Variants in EMCN observed in about 807,000 individuals in gnomAD.
EMCN encodes the protein endomucin.
In EMCN, 37 loss-of-function variants were observed where a neutral mutation model predicts 38.4. That is an observed-to-expected ratio of 0.96 (90% confidence interval 0.74 to 1.27). EMCN has a LOEUF of 1.27. EMCN is among the 50% of genes most tolerant of loss of function. The probability of loss-of-function intolerance (pLI) is 0.00; values close to 1 mark genes in which losing one functional copy is unlikely to be tolerated. For missense variants in EMCN, 318 were observed against 302.8 expected, an observed-to-expected ratio of 1.05 and a Z score of -0.37; for synonymous variants, 95 against 100.8, an observed-to-expected ratio of 0.94 and a Z score of 0.35.
rs1480628495 is a variant in EMCN, at chr4:100,395,766, G to C, written c.*2647C>G. On this transcript the variant is annotated 3_prime_UTR_variant, in exon 12 of 12. Coordinates refer to ENST00000296420, the MANE Select transcript of EMCN (RefSeq NM_016242.4). ...ACAGATTTGTCAACCATATGTAACA[G>C]AATAGTTCAGTTCAGCAAGGGGAAT... The C allele has an allele frequency of 6.6e-6, 1 of 152,132 alleles. No individual in the cohort carries two copies. The highest frequency in any genetic ancestry group is 1.9e-4 in the East Asian group (1 of 5,178). 9.4% of individuals were successfully genotyped at this position (152,132 alleles called of 1,614,324 possible). A position where few individuals can be genotyped will look rare whatever the true frequency, so the allele number is the denominator to read the frequency against.
intron 2 of EMCN, among the ~76,000 whole-genome samples, chr4:100,476,576 T>TATA (rs1176373997): frequency 1.3e-5 from 2 of 152,202 alleles, no homozygotes; most frequent in African/African-American, 4.8e-5. Flanking sequence ...AATAAATGTT[T>TATA]ATAATAGATT....
At chr4:100,417,226 C>T in intron 8 of EMCN, 85 bp from the exon 9 acceptor site, 1 of 1,137,054 alleles carries the variant, frequency 8.8e-7, no homozygotes, top group South Asian at 1.2e-5. Context: ...CCCTCACCTG[C>T]TGTCCACTCT....
chr4:100,497,749 A>G (rs552827889), intron 1 of EMCN, among the ~76,000 whole-genome samples: 3 of 152,300 alleles, frequency 2.0e-5, no homozygotes, highest in Admixed American at 2.0e-4. Flanking sequence ...GAAAATGACA[A>G]TATAAAAATA....
Position 100,423,973 on chromosome 4 carries a change from A to G in EMCN, c.416-569T>C, listed in dbSNP as rs140582850. Among the ~76,000 whole-genome samples, 77 of 152,192 alleles carry G rather than the reference A, an allele frequency of 5.1e-4. 1 individual carries two copies. In the East Asian group the frequency reaches 0.014, roughly 28 times the overall value. On this transcript the variant is annotated intron_variant, in intron 5 of 11. Transcript: ENST00000296420. ...TATGTGCCTTTTCTAGAGTAATGCT[A>G]CTTGACTGTTTTTTTTCACTAGCAT...
At position 100,505,691 on chromosome 4, in the gene EMCN, G is replaced by A. The variant is rs202245522; in HGVS notation, c.64+12160C>T. ...CTCCCAGACTGTGAGCACAGCTTAC[G>A]GCGCCACATCAAGTAATGTCTTTCA... On this transcript the variant is annotated intron_variant, in intron 1 of 11. Coordinates refer to ENST00000296420, the MANE Select transcript of EMCN (RefSeq NM_016242.4). Among the ~76,000 whole-genome samples the A allele has an allele frequency of 1.9e-4, 29 of 152,132 alleles. 1 individual carries two copies. In the East Asian group the frequency reaches 4.5e-3, roughly 23 times the overall value.
At chr4:100,404,822 A>C (rs192930348) in intron 11 of EMCN, among the ~76,000 whole-genome samples, 7 of 152,064 alleles carry the variant, frequency 4.6e-5, no homozygotes, top group African/African-American at 7.2e-5. Context: ...CTTTTTTAAC[A>C]ATATTGATTC....
chr4:100,448,045 T>G (rs895732512), intron 4 of EMCN, among the ~76,000 whole-genome samples: 1 of 152,074 alleles, frequency 6.6e-6, no homozygotes, highest in Non-Finnish European at 1.5e-5. Flanking sequence ...AGTAAGTGCT[T>G]AATGAAAGTG....
intron 2 of EMCN, 27 bp downstream of exon 2, chr4:100,479,890 A>G: frequency 6.3e-7 from 1 of 1,581,600 alleles, no homozygotes; most frequent in Non-Finnish European, 8.6e-7. Context: ...TTAAAGTTAA[A>G]CTAAATTTAC....
chr4:100,459,939 C>A (rs889329031), intron 4 of EMCN, among the ~76,000 whole-genome samples: 8 of 152,172 alleles, frequency 5.3e-5, no homozygotes, highest in African/African-American at 1.9e-4. Context: ...TGGATATGTA[C>A]CCAGAAGTGG....
chr4:100,475,659 CTTTTTTTT>C (rs869169290), intron 2 of EMCN, among the ~76,000 whole-genome samples: 2,404 of 60,092 alleles, frequency 0.04, 291 homozygotes, highest in Non-Finnish European at 0.047. Flanking sequence ...AATTCTAGTC[CTTTTTTTT>C]TTTTTTTTTT....
At position 100,416,057 on chromosome 4, in the gene EMCN, G is replaced by C. The variant is rs946712092; in HGVS notation, c.690-98C>G. Reference sequence around the variant, plus strand: ...CAAACAGAATGACGAAGATACATATGCATATATATATATAATGTGTGTGTA... The same window carrying C: ...CAAACAGAATGACGAAGATACATATCCATATATATATATAATGTGTGTGTA... On this transcript the variant is annotated intron_variant, in intron 9 of 11. Coordinates refer to ENST00000296420, the MANE Select transcript of EMCN (RefSeq NM_016242.4). 6 of 649,692 alleles carry C rather than the reference G, an allele frequency of 9.2e-6. No homozygotes were observed. In the East Asian group the frequency reaches 1.8e-4, roughly 19 times the overall value. 40.2% of individuals were successfully genotyped at this position (649,692 alleles called of 1,614,324 possible).
intron 5 of EMCN, among the ~76,000 whole-genome samples, chr4:100,438,014 C>A (rs1235620577): frequency 6.6e-6 from 1 of 151,910 alleles, no homozygotes; most frequent in Non-Finnish European, 1.5e-5. Flanking sequence ...ATAAATTTTT[C>A]TGATTCATAA....
chr4:100,465,529 G>T lies in EMCN; in HGVS notation c.270C>A (p.Ala90=). 1.9e-6 allele frequency: 3 copies of T among 1,598,266 alleles called. No homozygotes were observed. The highest frequency in any genetic ancestry group is 2.6e-6 in the Non-Finnish European group (3 of 1,169,092). Residue 90 remains alanine, a synonymous_variant, in exon 4 of 12, where the codon GCC becomes GCA. Coordinates refer to ENST00000296420, the MANE Select transcript of EMCN (RefSeq NM_016242.4). ...FLTSKDEGLK[A]TTTDVRKNDS... ...CATTCTTCCTGACATCAGTGGTTGT[G>T]GCTTTCAATCCTATAAAAAGAATGA...
At chr4:100,433,741 G>T (rs999079059) in intron 5 of EMCN, among the ~76,000 whole-genome samples, 1 of 151,894 alleles carries the variant, frequency 6.6e-6, no homozygotes, top group Non-Finnish European at 1.5e-5. Flanking sequence ...TCACCATGTT[G>T]GCCAGGCTGG....
At chr4:100,505,218 G>T (rs775042402) in intron 1 of EMCN, among the ~76,000 whole-genome samples, 3 of 152,098 alleles carry the variant, frequency 2.0e-5, no homozygotes, top group Non-Finnish European at 4.4e-5. Context: ...TGGTCTCCGC[G>T]TCTTGGTGGT....
intron 5 of EMCN, among the ~76,000 whole-genome samples, chr4:100,441,495 T>C (rs116020640): frequency 0.018 from 2,719 of 152,314 alleles, 40 homozygotes; most frequent in Non-Finnish European, 0.029. Context: ...TTAATTTATT[T>C]GTATCCAAGG....
chr4:100,462,995 A>G (rs1373069499), intron 4 of EMCN, among the ~76,000 whole-genome samples: 1 of 152,202 alleles, frequency 6.6e-6, no homozygotes, highest in Non-Finnish European at 1.5e-5. Context: ...ATTATGAGTC[A>G]TCTGTAGCCA....
chr4:100,400,111 T>C (rs1189764834), intron 11 of EMCN, among the ~76,000 whole-genome samples: 1 of 152,162 alleles, frequency 6.6e-6, no homozygotes, highest in African/African-American at 2.4e-5. Context: ...CAGCCAGAGG[T>C]CAACGCTTCT....
chr4:100,415,913 T>A lies in EMCN; in HGVS notation c.736A>T (p.Ile246Phe). The change falls in exon 10 of 12, where the codon ATT becomes TTT. Residue 246 changes from isoleucine to phenylalanine, a missense_variant. By Grantham distance (21) the Ile-to-Phe change is conservative. Coordinates refer to ENST00000296420, the MANE Select transcript of EMCN (RefSeq NM_016242.4). ...GGAAACTTACCAGACTCATGAGAAA[T>A]TGTCTTAACGGTAAGAAGCTTCACG... ...ESVKLLTVKT[I>F]SHESGEHSAQ... 1 of 1,587,278 alleles carries A rather than the reference T, an allele frequency of 6.3e-7. No homozygotes were observed. The highest frequency in any genetic ancestry group is 1.2e-5 in the South Asian group (1 of 85,258).
Sources: gnomAD v4.1 joint callset for allele counts (sites outside exome capture counted in the v4.1 genomes callset) on GRCh38, gnomAD v4.1.1 for gene constraint, MANE v1.5 for transcripts, NCBI Gene and HGNC (gene_info 2026-07-23, HGNC 2026-07-21) for gene names.